Variants in SRGAP2 observed in about 807,000 individuals in gnomAD.
SRGAP2 encodes the protein SLIT-ROBO Rho GTPase-activating protein 2.
Under a neutral mutation model 57.2 loss-of-function variants are expected in SRGAP2, and 15 were observed. The observed-to-expected ratio is 0.26, with a 90% CI of 0.18 to 0.40. SRGAP2 has a LOEUF of 0.40. Ranked by LOEUF, SRGAP2 falls within the 10% of genes least tolerant of loss-of-function variation. The pLI is 1.00. For missense variants in SRGAP2, 520 were observed against 669.6 expected (o/e 0.78, Z 2.47); for synonymous variants, 249 against 248.0 (o/e 1.00, Z -0.04).
At chr1:206,434,925 G>T (rs1193831969) in intron 14 of SRGAP2, among the ~76,000 whole-genome samples, 7 of 152,234 alleles carry the variant, frequency 4.6e-5, no homozygotes, top group Non-Finnish European at 8.8e-5. Flanking sequence ...TTTCCGAGAT[G>T]ACATTTGCTT....
intron 22 of SRGAP2, among the ~76,000 whole-genome samples, chr1:206,459,790 T>TG (rs1481373811): frequency 2.0e-5 from 3 of 152,164 alleles, no homozygotes; most frequent in African/African-American, 7.2e-5. Context: ...TTGGCTTAAT[T>TG]GTGGTTCTCT....
chr1:206,461,302 C>A lies in SRGAP2; in HGVS notation c.3098C>A (p.Pro1033Gln). ...RPVKSVKMAAPVKPPATRPKP... is the reference protein window; with the variant it reads ...RPVKSVKMAAQVKPPATRPKP... ...GTCAAGTCTGTCAAGATGGCTGCCC[C>A]GGTCAAACCACCAGCCACACGGCCC... The change falls in exon 23 of 23, where the codon CCG becomes CAG. Residue 1033 changes from proline (P) to glutamine (Q), a missense_variant. Around this residue, in one of 5 missense-constraint regions of SRGAP2, gnomAD observed 478 missense variants for 373.6 expected, o/e 1.28. Coordinates refer to ENST00000573034, the MANE Select transcript of SRGAP2 (RefSeq NM_015326.5). 1.3e-6 allele frequency: 1 copy of A among 780,946 alleles called. No individual in the cohort carries two copies. The highest frequency in any genetic ancestry group is 2.4e-6 in the Non-Finnish European group (1 of 418,006). The allele number at this position is 780,946 out of a possible 1,614,324, so 48.4% of individuals were successfully genotyped here. A position where few individuals can be genotyped will look rare whatever the true frequency, so the allele number is the denominator to read the frequency against.
Position 206,454,564 on chromosome 1 carries a change from G to A in SRGAP2, c.2361-314G>A. The A allele has an allele frequency of 2.4e-6, 1 of 414,072 alleles. No homozygotes were observed. Among genetic ancestry groups the A allele is most frequent in the Non-Finnish European group, 4.3e-6 (1 of 233,326 alleles). 25.6% of individuals were successfully genotyped at this position (414,072 alleles called of 1,614,324 possible). ...CCTCCTTCTCCAGGAGGCCGCCCCAGCACGGCCTCCCCAGGAAGCAGCATG... is the reference window on the plus strand; with the variant it reads ...CCTCCTTCTCCAGGAGGCCGCCCCAACACGGCCTCCCCAGGAAGCAGCATG... On this transcript the variant is annotated intron_variant, in intron 20 of 22. Transcript: ENST00000573034. The surrounding 1 kb of genome is among the most constrained non-coding windows in gnomAD (Gnocchi z 4.3).
chr1:206,237,139 G>A (rs1457592618), intron 2 of SRGAP2, among the ~76,000 whole-genome samples: 26 of 151,178 alleles, frequency 1.7e-4, no homozygotes, highest in Admixed American at 7.2e-4. Context: ...GCAGGTGCCC[G>A]TAATCCCAGC....
intron 2 of SRGAP2, among the ~76,000 whole-genome samples, chr1:206,266,346 C>T (rs531777874): frequency 1.2e-4 from 18 of 151,904 alleles, no homozygotes; most frequent in South Asian, 1.0e-3. Flanking sequence ...TGGTTTCAAG[C>T]GATTCTCTTG....
In SRGAP2 at chr1:206,461,375, C is replaced by T. The variant is rs1553380710; in HGVS notation, c.3171C>T (p.Asn1057=). The T allele has an allele frequency of 1.3e-6, 1 of 780,562 alleles. No homozygotes were observed. Among genetic ancestry groups the T allele is most frequent in the Non-Finnish European group, 2.4e-6 (1 of 417,772 alleles). 48.4% of individuals were successfully genotyped at this position (780,562 alleles called of 1,614,324 possible). ...PKTNATSPGV[N]SSTSPQSTDK... ...CAAATGCCACTAGCCCTGGTGTCAA[C>T]TCATCAACTTCCCCACAGTCTACTG... The change falls in exon 23 of 23, where the codon AAC becomes AAT. Residue 1057 remains asparagine (N), a synonymous_variant. Coordinates refer to ENST00000573034, the MANE Select transcript of SRGAP2 (RefSeq NM_015326.5).
intron 2 of SRGAP2, among the ~76,000 whole-genome samples, chr1:206,278,362 A>T (rs1160213000): frequency 1.9e-4 from 23 of 124,226 alleles, no homozygotes; most frequent in Admixed American, 2.5e-4. Flanking sequence ...TTTTTTTTTT[A>T]AAGAGACAAG....
intron 4 of SRGAP2, among the ~76,000 whole-genome samples, chr1:206,348,168 T>C (rs1270254784): frequency 1.4e-4 from 21 of 148,972 alleles, no homozygotes; most frequent in Non-Finnish European, 2.8e-4. Flanking sequence ...AAATATAACA[T>C]CTGGAGAAAG....
chr1:206,440,877 T>A (rs1331331433), intron 17 of SRGAP2, among the ~76,000 whole-genome samples: 6 of 152,282 alleles, frequency 3.9e-5, no homozygotes, highest in South Asian at 4.1e-4. Context: ...TTTATTTTTT[T>A]AAAAACTGCC....
At chr1:206,332,876 A>C (rs1674475418) in intron 3 of SRGAP2, among the ~76,000 whole-genome samples, 1 of 151,148 alleles carries the variant, frequency 6.6e-6, no homozygotes. Flanking sequence ...TTGGAGGAGG[A>C]GAGGCGCTCT....
chr1:206,213,557 A>G lies in SRGAP2; in HGVS notation c.67+7520A>G, dbSNP rs567555313. Among the ~76,000 whole-genome samples the G allele has an allele frequency of 5.3e-5, 8 of 151,768 alleles. No homozygotes were observed. The South Asian group carries it at 1.2e-3, about 24-fold the overall frequency. On this transcript the variant is annotated intron_variant, in intron 2 of 22. Coordinates refer to ENST00000573034, the MANE Select transcript of SRGAP2 (RefSeq NM_015326.5). ...TTTTAGGAGGGAAGGTACAGGATGG[A>G]GTGAGAAAGAAAAGAAAAAAAATCA...
intron 14 of SRGAP2, among the ~76,000 whole-genome samples, chr1:206,431,529 C>T (rs1337422480): frequency 6.6e-6 from 1 of 152,130 alleles, no homozygotes; most frequent in Non-Finnish European, 1.5e-5. Flanking sequence ...ATTATTTGTG[C>T]CTAAGAGACA....
chr1:206,443,140 C>A lies in SRGAP2; in HGVS notation c.1875-2935C>A, dbSNP rs1328596873. 2.6e-5 allele frequency among the ~76,000 whole-genome samples: 4 copies of A among 152,158 alleles called. No individual in the cohort carries two copies. In the East Asian group the frequency reaches 7.7e-4, roughly 29 times the overall value. ...CACCAATCCTGGCGCCCCAAAAAGC[C>A]TCTGTTCCTAACCACAATGCTGAAC... On this transcript the variant is annotated intron_variant, in intron 17 of 22. Transcript: ENST00000573034.
At chr1:206,277,808 C>T (rs1236761890) in intron 2 of SRGAP2, among the ~76,000 whole-genome samples, 1 of 151,844 alleles carries the variant, frequency 6.6e-6, no homozygotes, top group Non-Finnish European at 1.5e-5. Context: ...ACTAAAAATG[C>T]AAAAATAAAA....
intron 2 of SRGAP2, among the ~76,000 whole-genome samples, chr1:206,230,671 G>C (rs1553306764): frequency 6.8e-6 from 1 of 146,694 alleles, no homozygotes; most frequent in Admixed American, 6.7e-5. Context: ...CTGTCGCCCA[G>C]GCTGGAGTGC....
At chr1:206,421,206 T>G (rs782757050) in intron 12 of SRGAP2, 44 bp from the exon 13 acceptor site, 2 of 763,352 alleles carry the variant, frequency 2.6e-6, no homozygotes, top group Admixed American at 3.6e-5. Context: ...TTTTCTCCCT[T>G]GTTGCTGGAT....
intron 2 of SRGAP2, among the ~76,000 whole-genome samples, chr1:206,251,733 C>G (rs1361196315): frequency 1.3e-5 from 1 of 77,700 alleles, no homozygotes; most frequent in Non-Finnish European, 2.3e-5. Context: ...GAGACAGAGT[C>G]TTGCTCTGTC....
intron 13 of SRGAP2, among the ~76,000 whole-genome samples, chr1:206,422,529 A>C (rs1553364785): frequency 1.3e-5 from 2 of 152,222 alleles, no homozygotes; most frequent in Non-Finnish European, 2.9e-5. Context: ...TAATAGGTGC[A>C]TATCTTGCAG....
At chr1:206,437,803 TTA>T in intron 15 of SRGAP2, 159 bp from the exon 16 acceptor site, 1 of 623,350 alleles carries the variant, frequency 1.6e-6, no homozygotes. Flanking sequence ...AGTCTTTGCT[TTA>T]TCTGTTCCCT....
Sources: allele counts gnomAD v4.1 joint callset (sites outside exome capture counted in the v4.1 genomes callset), GRCh38; gene constraint gnomAD v4.1.1; regional missense constraint gnomAD v4.1.1; non-coding constraint Gnocchi (gnomAD v3.1); transcripts MANE v1.5; gene names NCBI Gene and HGNC (gene_info 2026-07-23, HGNC 2026-07-21).